The following CDKL2 variants were observed in gnomAD, a reference collection of about 807,000 sequenced individuals.
CDKL2 encodes cyclin-dependent kinase-like 2.
In CDKL2, 64 loss-of-function variants were observed where a neutral mutation model predicts 63.9. That is an observed-to-expected ratio of 1.00 (90% confidence interval 0.82 to 1.23). The LOEUF is 1.23. CDKL2 is among the 50% of genes most tolerant of loss of function. CDKL2 has a pLI of 0.00. For synonymous variants in CDKL2, 211 were observed against 229.2 expected, an observed-to-expected ratio of 0.92 and a Z score of 0.72; for missense variants, 656 against 668.0, an observed-to-expected ratio of 0.98 and a Z score of 0.20.
intron 2 of CDKL2, among the ~76,000 whole-genome samples, chr4:75,618,892 T>C (rs534934681): frequency 2.2e-4 from 34 of 152,268 alleles, no homozygotes; most frequent in African/African-American, 7.2e-4. Flanking sequence ...TAGACTTAAT[T>C]TAACATCACG....
In CDKL2 at chr4:75,592,956, T is replaced by A. The variant is rs190343292; in HGVS notation, c.1417-687A>T. 3.6e-3 allele frequency among the ~76,000 whole-genome samples: 553 copies of A among 152,336 alleles called. 1 individual carries two copies. Among genetic ancestry groups the A allele is most frequent in the Non-Finnish European group, 5.3e-3 (363 of 68,022 alleles). ...TTATGAATTTGACACTTTTCCAATA[T>A]TTTTCATTCGAGAATCACAGAAAGC... On this transcript the variant is annotated intron_variant, in intron 10 of 13. Transcript: ENST00000307465.
chr4:75,611,972 T>G (rs545558296), intron 3 of CDKL2, among the ~76,000 whole-genome samples: 1 of 150,198 alleles, frequency 6.7e-6, no homozygotes, highest in South Asian at 2.1e-4. Flanking sequence ...GATTTTAAAA[T>G]CTTTTTTTTT....
intron 2 of CDKL2, among the ~76,000 whole-genome samples, chr4:75,616,735 T>C (rs980502083): frequency 2.0e-4 from 22 of 112,016 alleles, no homozygotes; most frequent in Admixed American, 2.0e-4. Flanking sequence ...AAATATCATA[T>C]AGAAAAATGT....
chr4:75,607,547 T>G (rs991048259), intron 3 of CDKL2, among the ~76,000 whole-genome samples, 186 bp from the exon 4 acceptor site: 1 of 152,178 alleles, frequency 6.6e-6, no homozygotes, highest in Admixed American at 6.5e-5. Context: ...GAAATTTTAT[T>G]TAAACAATCA....
Position 75,614,370 on chromosome 4 carries a change from A to T in CDKL2, c.248T>A (p.Val83Asp), listed in dbSNP as rs759051879. ...CAAGTCATCAAGAATTGTGTGGTCA[A>T]CAAATTCAAAGACTAGGTACCATCG... Reference protein sequence around the residue: ...KKRWYLVFEFVDHTILDDLEL... With the variant: ...KKRWYLVFEFDDHTILDDLEL... Residue 83 changes from valine (V) to aspartate (D), a missense_variant, in exon 3 of 14, where the codon GTT (valine) becomes GAT (aspartate). Transcript: ENST00000307465. 1.2e-6 allele frequency: 2 copies of T among 1,611,370 alleles called. No homozygotes were observed.
intron 3 of CDKL2, among the ~76,000 whole-genome samples, chr4:75,610,957 T>C (rs1729662135): frequency 6.6e-6 from 1 of 152,142 alleles, no homozygotes; most frequent in Admixed American, 6.5e-5. Flanking sequence ...TTAATAATAA[T>C]GGTAATAATA....
intron 12 of CDKL2, among the ~76,000 whole-genome samples, chr4:75,586,445 A>T (rs13142804): frequency 0.4 from 61,105 of 151,674 alleles, 13,082 homozygotes; most frequent in African/African-American, 0.51. Context: ...CTAGCCAGTA[A>T]GGTCTCGATC....
At chr4:75,584,182 A>G (rs1000938706) in intron 12 of CDKL2, among the ~76,000 whole-genome samples, 1 of 152,228 alleles carries the variant, frequency 6.6e-6, no homozygotes, top group Non-Finnish European at 1.5e-5. Flanking sequence ...TAATCATGTG[A>G]GCTCTTAGCA....
At chr4:75,588,968 G>C (rs950483638) in intron 12 of CDKL2, among the ~76,000 whole-genome samples, 1 of 152,048 alleles carries the variant, frequency 6.6e-6, no homozygotes, top group South Asian at 2.1e-4. Context: ...AGAAAAACTG[G>C]ACTAATTTGA....
intron 2 of CDKL2, among the ~76,000 whole-genome samples, chr4:75,622,962 T>C (rs1730231442): frequency 6.6e-6 from 1 of 151,876 alleles, no homozygotes; most frequent in African/African-American, 2.4e-5. Flanking sequence ...ACAGAAGGAT[T>C]TATTCTACCA....
chr4:75,590,761 G>T (rs866010427), intron 12 of CDKL2, among the ~76,000 whole-genome samples: 2 of 152,092 alleles, frequency 1.3e-5, no homozygotes, highest in African/African-American at 4.8e-5. Context: ...AAGCATCACC[G>T]TGGATAAAGA....
intron 12 of CDKL2, among the ~76,000 whole-genome samples, chr4:75,586,286 C>A (rs577919009): frequency 4.2e-4 from 63 of 151,098 alleles, no homozygotes; most frequent in Non-Finnish European, 7.8e-4. Context: ...AGTGCAGTGG[C>A]ACCATCTTGG....
chr4:75,594,588 A>AT (rs1469854118), intron 10 of CDKL2, among the ~76,000 whole-genome samples: 1 of 152,184 alleles, frequency 6.6e-6, no homozygotes, highest in Non-Finnish European at 1.5e-5. Flanking sequence ...TATATAGACG[A>AT]TGTCAGGTAA....
In CDKL2 at chr4:75,607,194, G is replaced by C. The variant is rs1164602751; in HGVS notation, c.531C>G (p.Val177=). The C allele has an allele frequency of 6.2e-7, 1 of 1,607,368 alleles. No homozygotes were observed. The highest frequency in any genetic ancestry group is 2.2e-5 in the East Asian group (1 of 44,814). Reference sequence around the variant, plus strand: ...TACTGATGTCTTACTTGCCATACTTGACATCACCAACCAATAGTTCTGGAG... The same window carrying C: ...TACTGATGTCTTACTTGCCATACTTCACATCACCAACCAATAGTTCTGGAG... ...YRAPELLVGD[V]KYGKAVDVWA... is the part of the protein sequence containing the mutation. Residue 177 remains valine (V), a synonymous_variant, in exon 4 of 14, where the codon GTC becomes GTG. Transcript: ENST00000307465.
chr4:75,628,844 A>AAT (rs1469528293), intron 1 of CDKL2, among the ~76,000 whole-genome samples: 2 of 152,104 alleles, frequency 1.3e-5, no homozygotes, highest in Admixed American at 6.6e-5. Flanking sequence ...GAGATTTTAT[A>AAT]ATATATATAT....
At chr4:75,614,555 T>C in intron 2 of CDKL2, 106 bp from the exon 3 acceptor site, 1 of 674,416 alleles carries the variant, frequency 1.5e-6, no homozygotes, top group Non-Finnish European at 2.4e-6. Context: ...GATCTCAGCG[T>C]AAGAAAAATA....
intron 6 of CDKL2, among the ~76,000 whole-genome samples, chr4:75,601,611 ATTTTC>A (rs1264352529): frequency 3.3e-5 from 5 of 152,106 alleles, no homozygotes; most frequent in Admixed American, 2.6e-4. Flanking sequence ...TATTCTTTCT[ATTTTC>A]TTTTCCGTTT....
chr4:75,623,813 C>T (rs1052424430), intron 2 of CDKL2, among the ~76,000 whole-genome samples: 2 of 152,006 alleles, frequency 1.3e-5, no homozygotes, highest in African/African-American at 4.8e-5. Context: ...ACGGTTTTCA[C>T]AAGAGATACA....
intron 3 of CDKL2, among the ~76,000 whole-genome samples, chr4:75,611,812 G>GCCCAGCTAA (rs1350340740): frequency 6.6e-6 from 1 of 151,664 alleles, no homozygotes; most frequent in Non-Finnish European, 1.5e-5. Flanking sequence ...GTGCCACCAC[G>GCCCAGCTAA]CCCAGCTAAT....
Sources: gnomAD v4.1 joint callset for allele counts (sites outside exome capture counted in the v4.1 genomes callset) on GRCh38, gnomAD v4.1.1 for gene constraint, MANE v1.5 for transcripts, NCBI Gene and HGNC (gene_info 2026-07-23, HGNC 2026-07-21) for gene names.